Variants in TACC2 observed in about 807,000 individuals in gnomAD.
TACC2 encodes transforming acidic coiled-coil containing protein 2.
Under a neutral mutation model 227.3 loss-of-function variants are expected in TACC2, and 137 were observed. The observed-to-expected ratio is 0.60, with a 90% CI of 0.52 to 0.69. The LOEUF (loss-of-function observed/expected upper bound fraction) is 0.69. TACC2 is among the 30% of genes least tolerant of loss of function. The pLI is 0.00. For missense variants in TACC2, 3,470 were observed against 3,694.4 expected, an observed-to-expected ratio of 0.94 and a Z score of 1.57; for synonymous variants, 1,523 against 1,487.5, an observed-to-expected ratio of 1.02 and a Z score of -0.55.
At chr10:122,237,568 T>C (rs200377880) in intron 17 of TACC2, 30 bp downstream of exon 17, 1 of 1,592,266 alleles carries the variant, frequency 6.3e-7, no homozygotes, top group East Asian at 2.2e-5. Flanking sequence ...AATTACCCTC[T>C]TCCTGCCACT....
intron 3 of TACC2, among the ~76,000 whole-genome samples, chr10:122,055,310 G>A (rs555890846): frequency 6.6e-6 from 1 of 152,274 alleles, no homozygotes; most frequent in Non-Finnish European, 1.5e-5. Flanking sequence ...AGAGCACAGA[G>A]TGCACAGGCA....
chr10:122,054,135 A>G (rs1421012854), intron 3 of TACC2, among the ~76,000 whole-genome samples: 1 of 152,180 alleles, frequency 6.6e-6, no homozygotes, highest in African/African-American at 2.4e-5. Context: ...ATGCTAGAAC[A>G]TGGGGTTTAC....
intron 1 of TACC2, among the ~76,000 whole-genome samples, chr10:122,004,781 C>CT (rs1387309777): frequency 6.6e-6 from 1 of 152,298 alleles, no homozygotes; most frequent in African/African-American, 2.4e-5. Context: ...AACTCTTTCT[C>CT]TATTGCAATC....
chr10:122,054,883 A>C (rs573460493), intron 3 of TACC2, among the ~76,000 whole-genome samples: 92 of 152,262 alleles, frequency 6.0e-4, no homozygotes, highest in African/African-American at 2.2e-3. Flanking sequence ...CGCTGGAGCA[A>C]AGTTCTCCGG....
intron 5 of TACC2, among the ~76,000 whole-genome samples, chr10:122,101,810 G>A (rs2082195741): frequency 7.0e-6 from 1 of 142,586 alleles, no homozygotes; most frequent in African/African-American, 2.6e-5. Flanking sequence ...CTGACCTTGT[G>A]ATCTGCCTGC....
rs538862539 is a variant in TACC2, at chr10:122,040,965, C to T, written c.34-9473C>T. On this transcript the variant is annotated intron_variant, in intron 2 of 22. Transcript: ENST00000369005. ...CTCCCCCAGCTTGGGCAGGTCCCCC[C>T]GGGTCGGGTCCCTGCTCTGCGTACA... 1.2e-3 allele frequency among the ~76,000 whole-genome samples: 188 copies of T among 152,254 alleles called. 1 individual carries two copies. The highest frequency in any genetic ancestry group is 4.3e-3 in the African/African-American group (178 of 41,556).
Position 122,246,103 on chromosome 10 carries a change from A to C in TACC2, c.8393-2540A>C, listed in dbSNP as rs1354994964. ...CTTCAGGGCCAGTGGTTCTCCAAGC[A>C]GGGTCCCTGCCCCAGCAGCATCTGC... is the stretch of plus-strand genomic sequence containing the variant. On this transcript the variant is annotated intron_variant, in intron 19 of 22. Coordinates refer to ENST00000369005, the MANE Select transcript of TACC2 (RefSeq NM_206862.4). Among the ~76,000 whole-genome samples the C allele has an allele frequency of 2.0e-5, 3 of 152,286 alleles. No homozygotes were observed. The East Asian group carries it at 5.8e-4, about 29-fold the overall frequency.
rs1361304352 is a variant in TACC2, at chr10:122,119,306, G to A, written c.5574-13303G>A. On this transcript the variant is annotated intron_variant, in intron 5 of 22. Coordinates refer to ENST00000369005, the MANE Select transcript of TACC2 (RefSeq NM_206862.4). Reference sequence around the variant, plus strand: ...AACTTGCCTAGGGCTTATAAATGGCGAGTAAGTGGCAGAGCTGGATTCAGG... The same window carrying A: ...AACTTGCCTAGGGCTTATAAATGGCAAGTAAGTGGCAGAGCTGGATTCAGG... 9.8e-5 allele frequency among the ~76,000 whole-genome samples: 15 copies of A among 152,308 alleles called. 1 individual carries two copies. In the South Asian group the frequency reaches 2.9e-3, roughly 29 times the overall value.
At chr10:122,028,255 A>G (rs11200350) in intron 2 of TACC2, among the ~76,000 whole-genome samples, 9,877 of 151,066 alleles carry the variant, frequency 0.065, 445 homozygotes, top group African/African-American at 0.12. Flanking sequence ...ATGCCCGGCT[A>G]ATTTTTGTAC....
intron 2 of TACC2, among the ~76,000 whole-genome samples, chr10:122,031,588 A>G (rs1958977516): frequency 6.6e-6 from 1 of 151,372 alleles, no homozygotes; most frequent in African/African-American, 2.4e-5. Context: ...CATTTTTAGT[A>G]GAGATGGGGT....
chr10:122,182,346 A>G (rs1256726382), intron 7 of TACC2, among the ~76,000 whole-genome samples: 1 of 152,184 alleles, frequency 6.6e-6, no homozygotes, highest in Non-Finnish European at 1.5e-5. Context: ...CTCATTCAGG[A>G]GCATGTTATC....
intron 3 of TACC2, among the ~76,000 whole-genome samples, chr10:122,080,008 A>G (rs887144967): frequency 2.0e-5 from 3 of 152,202 alleles, no homozygotes; most frequent in South Asian, 2.1e-4. Context: ...TCGGGCTGCC[A>G]TAAGAAAACA....
At chr10:122,100,718 G>A (rs2082040542) in intron 5 of TACC2, among the ~76,000 whole-genome samples, 1 of 152,130 alleles carries the variant, frequency 6.6e-6, no homozygotes, top group African/African-American at 2.4e-5. Context: ...GAGCTATAGC[G>A]CCCGACTGTT....
chr10:122,082,638 T>C lies in TACC2; in HGVS notation c.147-9T>C, dbSNP rs1591801392. On this transcript the variant is annotated splice_polypyrimidine_tract_variant and intron_variant, in intron 3 of 22. Transcript: ENST00000369005. ...CCATGATAACCAATGAAACATTAAA[T>C]ATTTTCAGCATTGGCAGCGTTGGGC... 7 of 1,597,912 alleles carry C rather than the reference T, an allele frequency of 4.4e-6. No homozygotes were observed. Among genetic ancestry groups the C allele is most frequent in the Middle Eastern group, 3.3e-4 (2 of 5,988 alleles).
At chr10:122,241,204 G>A (rs1034950263) in intron 18 of TACC2, among the ~76,000 whole-genome samples, 1 of 152,178 alleles carries the variant, frequency 6.6e-6, no homozygotes, top group African/African-American at 2.4e-5. Context: ...TTCATGACGT[G>A]GTGTGGAAGG....
chr10:122,164,120 C>G, intron 7 of TACC2: 2 of 1,142,616 alleles, frequency 1.8e-6, no homozygotes, highest in Non-Finnish European at 2.5e-6. Context: ...TTCTTCGCAG[C>G]CTTGGAAAGC....
chr10:122,080,367 G>A (rs1188026442), intron 3 of TACC2, among the ~76,000 whole-genome samples: 1 of 151,796 alleles, frequency 6.6e-6, no homozygotes, highest in East Asian at 1.9e-4. Flanking sequence ...TGAGTAGCTG[G>A]GACTACAGGT....
rs759334899 is a variant in TACC2, at chr10:122,194,022, A to G, written c.5835-1018A>G. Among the ~76,000 whole-genome samples, 1 of 152,092 alleles carries G rather than the reference A, an allele frequency of 6.6e-6. No homozygotes were observed. Among genetic ancestry groups the G allele is most frequent in the Non-Finnish European group, 1.5e-5 (1 of 68,036 alleles). ...AGCCTCAAACTTCTGGGCTTAAGTGATCCTCCTGCCTCACCCTCCCTAGTA... is the reference window on the plus strand; with the variant it reads ...AGCCTCAAACTTCTGGGCTTAAGTGGTCCTCCTGCCTCACCCTCCCTAGTA... On this transcript the variant is annotated intron_variant, in intron 7 of 22. Transcript: ENST00000369005. This position sits in a 1 kb window ranked among gnomAD's most constrained non-coding sequence, Gnocchi z 4.4.
intron 7 of TACC2, among the ~76,000 whole-genome samples, chr10:122,152,580 G>A (rs1258728845): frequency 6.6e-6 from 1 of 152,230 alleles, no homozygotes; most frequent in East Asian, 1.9e-4. Flanking sequence ...TGACACGGCT[G>A]ACTTGATGAC....
Sources: allele counts gnomAD v4.1 joint callset (sites outside exome capture counted in the v4.1 genomes callset), GRCh38; gene constraint gnomAD v4.1.1; non-coding constraint Gnocchi (gnomAD v3.1); transcripts MANE v1.5; gene names NCBI Gene and HGNC (gene_info 2026-07-23, HGNC 2026-07-21).